CHRM3: variants seen among roughly 807,000 people sequenced by gnomAD.
The protein encoded by CHRM3 is cholinergic receptor muscarinic 3.
A neutral mutation model predicts 41.8 loss-of-function variants in CHRM3; 11 were observed. The observed-to-expected ratio is 0.26, with a 90% CI of 0.17 to 0.44. CHRM3 has a LOEUF of 0.44. CHRM3 is among the 20% of genes least tolerant of loss of function. CHRM3 has a pLI of 1.00. For synonymous variants in CHRM3, 297 were observed against 301.4 expected (o/e 0.99, Z 0.15); for missense variants, 571 against 745.4 (o/e 0.77, Z 2.72).
At chr1:239,630,821 A>G (rs969237189) in intron 3 of CHRM3, among the ~76,000 whole-genome samples, 5 of 152,088 alleles carry the variant, frequency 3.3e-5, no homozygotes, top group Admixed American at 2.6e-4. Flanking sequence ...AGCCCAGGGT[A>G]TAAAGTGCAT....
chr1:239,484,551 C>G (rs1667064370), intron 1 of CHRM3, among the ~76,000 whole-genome samples: 1 of 151,906 alleles, frequency 6.6e-6, no homozygotes, highest in Non-Finnish European at 1.5e-5. Context: ...ATGGAAGAAA[C>G]AGCTAGGTGT....
chr1:239,616,514 C>A (rs1482950141), intron 3 of CHRM3, among the ~76,000 whole-genome samples: 1 of 152,082 alleles, frequency 6.6e-6, no homozygotes, highest in African/African-American at 2.4e-5. Flanking sequence ...ATCACTTAAG[C>A]CAGCAGGAAA....
At chr1:239,661,798 T>C (rs1573181807) in intron 4 of CHRM3, among the ~76,000 whole-genome samples, 1 of 152,194 alleles carries the variant, frequency 6.6e-6, no homozygotes, top group African/African-American at 2.4e-5. Flanking sequence ...AACCCTAATT[T>C]AAACTATAGA....
chr1:239,817,182 CTT>C (rs1449601234), intron 5 of CHRM3, among the ~76,000 whole-genome samples: 3 of 152,276 alleles, frequency 2.0e-5, no homozygotes, highest in African/African-American at 7.2e-5. Context: ...ATATCCACCT[CTT>C]ATACCATTGC....
At chr1:239,901,157 CTTT>C (rs1474693236) in intron 6 of CHRM3, among the ~76,000 whole-genome samples, 6 of 152,306 alleles carry the variant, frequency 3.9e-5, no homozygotes, top group African/African-American at 1.4e-4. Flanking sequence ...CACGCATCTT[CTTT>C]GAGTCTGATC....
intron 1 of CHRM3, among the ~76,000 whole-genome samples, chr1:239,389,867 G>A (rs1423802689): frequency 6.6e-6 from 1 of 152,150 alleles, no homozygotes; most frequent in Non-Finnish European, 1.5e-5. Context: ...ATTGGGTCTT[G>A]TTTGCAGTGC....
chr1:239,602,048 A>G (rs901369872), intron 3 of CHRM3, among the ~76,000 whole-genome samples: 1 of 150,042 alleles, frequency 6.7e-6, no homozygotes, highest in African/African-American at 2.5e-5. Context: ...ATATACACAT[A>G]TATATACATA....
At chr1:239,450,082 T>C (rs1664453839) in intron 1 of CHRM3, among the ~76,000 whole-genome samples, 1 of 152,192 alleles carries the variant, frequency 6.6e-6, no homozygotes, top group African/African-American at 2.4e-5. Context: ...CTTTGTCGAT[T>C]ACATGTTTTG....
intron 1 of CHRM3, among the ~76,000 whole-genome samples, chr1:239,434,406 T>C (rs1004453094): frequency 3.3e-5 from 5 of 152,238 alleles, no homozygotes; most frequent in Non-Finnish European, 5.9e-5. Flanking sequence ...TCATCTTCTC[T>C]GGGATATTTC....
intron 6 of CHRM3, among the ~76,000 whole-genome samples, chr1:239,872,060 C>G (rs144638594): frequency 1.3e-3 from 192 of 152,284 alleles, no homozygotes; most frequent in African/African-American, 4.4e-3. Context: ...CACCTCACCC[C>G]ACACTAGCCA....
chr1:239,552,462 A>G (rs554414271), intron 3 of CHRM3, among the ~76,000 whole-genome samples: 9 of 147,650 alleles, frequency 6.1e-5, no homozygotes, highest in African/African-American at 2.2e-4. Flanking sequence ...CATATTTTAT[A>G]TATGTATAGA....
At chr1:239,885,806 C>T (rs759291742) in intron 6 of CHRM3, among the ~76,000 whole-genome samples, 22 of 152,234 alleles carry the variant, frequency 1.4e-4, no homozygotes, top group East Asian at 3.9e-4. Context: ...TTCTAATAAG[C>T]GGAAGGTGAC....
chr1:239,422,599 C>A (rs111333908), intron 1 of CHRM3, among the ~76,000 whole-genome samples: 30 of 151,966 alleles, frequency 2.0e-4, no homozygotes, highest in African/African-American at 6.8e-4. Flanking sequence ...ATAGAGACCA[C>A]CCTGGCTAAC....
chr1:239,502,010 T>C (rs1390418854), intron 2 of CHRM3, among the ~76,000 whole-genome samples: 1 of 151,988 alleles, frequency 6.6e-6, no homozygotes, highest in Non-Finnish European at 1.5e-5. Flanking sequence ...AGGACACATC[T>C]CAGGTAACTA....
intron 1 of CHRM3, among the ~76,000 whole-genome samples, chr1:239,406,428 C>T (rs1243147640): frequency 6.6e-6 from 1 of 152,158 alleles, no homozygotes; most frequent in Non-Finnish European, 1.5e-5. Flanking sequence ...TGACTCCTTC[C>T]CTTGATCCAC....
At chr1:239,725,668 T>G (rs2148375937) in intron 5 of CHRM3, among the ~76,000 whole-genome samples, 1 of 151,990 alleles carries the variant, frequency 6.6e-6, no homozygotes, top group East Asian at 1.9e-4. Context: ...TCATGGATTT[T>G]GGATTGTTTA....
chr1:239,597,381 CA>C, intron 3 of CHRM3, among the ~76,000 whole-genome samples: 1 of 152,164 alleles, frequency 6.6e-6, no homozygotes, highest in South Asian at 2.1e-4. Flanking sequence ...TACATGACAG[CA>C]TAACCATCAG....
At chr1:239,732,991 A>G (rs1403912303) in intron 5 of CHRM3, among the ~76,000 whole-genome samples, 1 of 151,938 alleles carries the variant, frequency 6.6e-6, no homozygotes, top group Non-Finnish European at 1.5e-5. Context: ...GTTTAATTGG[A>G]TTAACTTTAC....
chr1:239,738,338 A>G (rs1664558509), intron 5 of CHRM3, among the ~76,000 whole-genome samples: 1 of 152,140 alleles, frequency 6.6e-6, no homozygotes, highest in Non-Finnish European at 1.5e-5. Context: ...GAGAAGCTAC[A>G]TTGCTCAGCT....
Sources: allele counts gnomAD v4.1 joint callset (sites outside exome capture counted in the v4.1 genomes callset), GRCh38; gene constraint gnomAD v4.1.1; transcripts MANE v1.5; gene names NCBI Gene and HGNC (gene_info 2026-07-23, HGNC 2026-07-21).